Variants in MED12L observed in about 807,000 individuals in gnomAD.
The protein encoded by MED12L is mediator complex subunit 12L.
A neutral mutation model predicts 281.3 loss-of-function variants in MED12L; 60 were observed. That is an observed-to-expected ratio of 0.21 (90% CI 0.17 to 0.26). The LOEUF (loss-of-function observed/expected upper bound fraction) is 0.26, where lower values mean the gene tolerates loss of function less well. Ranked by LOEUF, MED12L falls within the 10% of genes least tolerant of loss-of-function variation. The probability of loss-of-function intolerance (pLI) is 1.00; values close to 1 mark genes in which losing one functional copy is unlikely to be tolerated. For synonymous variants in MED12L, 974 were observed against 987.2 expected (o/e 0.99, Z 0.25); for missense variants, 2,146 against 2,680.9 (o/e 0.80, Z 4.41).
Position 151,086,865 on chromosome 3 carries a change from T to TGC in MED12L, c.-61_-60dup. 7.4e-7 allele frequency: 1 copy of TGC among 1,348,650 alleles called. No individual in the cohort carries two copies. 83.5% of individuals were successfully genotyped at this position (1,348,650 alleles called of 1,614,324 possible). The stretch of plus-strand genomic sequence containing the variant: ...CTGTCTGCAAAGTGCTGCTCCCTGG[T>TGC]GCTCAGAGGCGGCTGCTCCAGCTCC... On this transcript the variant is annotated 5_prime_UTR_variant, in exon 2 of 45. Transcript: ENST00000687756.
intron 16 of MED12L, among the ~76,000 whole-genome samples, chr3:151,349,150 A>G (rs1012018243): frequency 1.3e-5 from 2 of 152,260 alleles, no homozygotes; most frequent in African/African-American, 4.8e-5. Context: ...AGCCAGGCAC[A>G]AGAGAGGGCA....
At chr3:151,315,111 A>G (rs1374145174) in intron 16 of MED12L, among the ~76,000 whole-genome samples, 2 of 152,108 alleles carry the variant, frequency 1.3e-5, no homozygotes, top group South Asian at 2.1e-4. Context: ...AGGGATTTTC[A>G]TGGATTTTCC....
At chr3:151,171,473 C>T (rs1721425325) in intron 11 of MED12L, among the ~76,000 whole-genome samples, 7 of 152,154 alleles carry the variant, frequency 4.6e-5, no homozygotes, top group Admixed American at 4.6e-4. Flanking sequence ...CCCAGGAAGC[C>T]AGCTTTATCC....
At chr3:151,241,246 AT>A (rs1357750919) in intron 16 of MED12L, among the ~76,000 whole-genome samples, 1 of 152,190 alleles carries the variant, frequency 6.6e-6, no homozygotes, top group African/African-American at 2.4e-5. Context: ...ATATTTTACA[AT>A]TTTTTACCTT....
intron 16 of MED12L, chr3:151,198,686 A>G (rs1461954156): frequency 1.2e-6 from 2 of 1,614,120 alleles, no homozygotes; most frequent in Admixed American, 3.3e-5. Context: ...AACAAAGCAT[A>G]TGATGTAGCC....
chr3:151,180,706 A>C (rs757659321), intron 11 of MED12L, among the ~76,000 whole-genome samples: 8 of 152,216 alleles, frequency 5.3e-5, no homozygotes, highest in Non-Finnish European at 1.2e-4. Flanking sequence ...GGGTGAGTCA[A>C]ATCATTGAGA....
intron 5 of MED12L, among the ~76,000 whole-genome samples, chr3:151,141,233 A>AG (rs1716984676): frequency 7.8e-6 from 1 of 128,460 alleles, no homozygotes; most frequent in African/African-American, 3.4e-5. Flanking sequence ...TGTGTTGGCC[A>AG]GGCTGGTCTC....
chr3:151,263,164 G>A lies in MED12L; in HGVS notation c.2250+69498G>A, dbSNP rs372890727. ...AGATGGATCAACAGCTGAGGAGTGTGCACAGGCCCTGTGCTTTTAGGATGG... is the reference window on the plus strand; with the variant it reads ...AGATGGATCAACAGCTGAGGAGTGTACACAGGCCCTGTGCTTTTAGGATGG... On this transcript the variant is annotated intron_variant, in intron 16 of 44. Transcript: ENST00000687756. Among the ~76,000 whole-genome samples, 48 of 152,266 alleles carry A rather than the reference G, an allele frequency of 3.2e-4. 1 individual carries two copies. The Middle Eastern group carries it at 0.01, about 32-fold the overall frequency.
At position 151,217,783 on chromosome 3, in the gene MED12L, A is replaced by AT. The variant is rs201322769; in HGVS notation, c.2250+24126dup. Among the ~76,000 whole-genome samples, 833 of 151,860 alleles carry AT rather than the reference A, an allele frequency of 5.5e-3. 7 individuals carry two copies. The highest frequency in any genetic ancestry group is 0.013 in the African/African-American group (524 of 41,424). The stretch of plus-strand genomic sequence containing the variant: ...GTAATTTTTGAACTCTTAAATATTG[A>AT]TTTTTTTTTAAAAGCAGTGGGGTTA... On this transcript the variant is annotated intron_variant, in intron 16 of 44. Transcript: ENST00000687756.
intron 11 of MED12L, among the ~76,000 whole-genome samples, chr3:151,174,639 C>G (rs879758138): frequency 3.9e-5 from 6 of 152,120 alleles, no homozygotes; most frequent in Non-Finnish European, 7.4e-5. Context: ...AAAACTTGTC[C>G]CTTTCTCAGT....
chr3:151,108,526 A>C (rs1237349249), intron 2 of MED12L, among the ~76,000 whole-genome samples: 1 of 152,170 alleles, frequency 6.6e-6, no homozygotes, highest in Non-Finnish European at 1.5e-5. Context: ...AGAGGTGGAC[A>C]AGGCTAGGAA....
chr3:151,327,977 C>T, intron 16 of MED12L: 2 of 1,515,658 alleles, frequency 1.3e-6, no homozygotes, highest in Non-Finnish European at 1.8e-6. Flanking sequence ...AGAAGTTAAC[C>T]CTATGTACAG....
intron 43 of MED12L, among the ~76,000 whole-genome samples, chr3:151,429,929 A>C (rs568386213): frequency 6.6e-6 from 1 of 152,306 alleles, no homozygotes; most frequent in East Asian, 1.9e-4. Context: ...CAAATCTTCC[A>C]ACCAGAGAGC....
rs540494587 is a variant in MED12L at position 151,423,824 on chromosome 3, T to G, written c.6409-6475T>G. Reference sequence around the variant, plus strand: ...CATTTCCTTTCATCTTAAACTCAGGTTGTCTTAGTTTGGTGACTTAAAAAA... The same window carrying G: ...CATTTCCTTTCATCTTAAACTCAGGGTGTCTTAGTTTGGTGACTTAAAAAA... On this transcript the variant is annotated intron_variant, in intron 43 of 44. Coordinates refer to ENST00000687756, the MANE Select transcript of MED12L (RefSeq NM_001393769.1). Among the ~76,000 whole-genome samples the G allele has an allele frequency of 1.3e-5, 2 of 152,316 alleles. 1 individual carries two copies. The highest frequency in any genetic ancestry group is 4.8e-5 in the African/African-American group (2 of 41,574).
At chr3:151,106,948 G>A (rs1722149775) in intron 2 of MED12L, among the ~76,000 whole-genome samples, 1 of 151,956 alleles carries the variant, frequency 6.6e-6, no homozygotes, top group African/African-American at 2.4e-5. Context: ...GCCTGTAGTT[G>A]GGCTCTACTT....
chr3:151,193,761 A>C, intron 16 of MED12L, 95 bp downstream of exon 16: 1 of 1,132,080 alleles, frequency 8.8e-7, no homozygotes, highest in Non-Finnish European at 1.3e-6. Flanking sequence ...TTCTTGACTA[A>C]TAATGATAGC....
Position 151,206,095 on chromosome 3 carries a change from AC to A in MED12L, c.2250+12430del, listed in dbSNP as rs57493081. On this transcript the variant is annotated intron_variant, in intron 16 of 44. Transcript: ENST00000687756. The stretch of plus-strand genomic sequence containing the variant: ...AATTTTTTTTTTTTTTTTTTTTTGC[AC>A]ATAATATTCTTTCCCACCTGCGTTA... 9.8e-3 allele frequency among the ~76,000 whole-genome samples: 1,199 copies of A among 122,176 alleles called. 26 individuals are homozygous for A. Among genetic ancestry groups the A allele is most frequent in the African/African-American group, 0.034 (1,136 of 33,892 alleles). The allele number at this position is 122,176 out of a possible 152,430, so 80.2% of individuals were successfully genotyped here. A position where few individuals can be genotyped will look rare whatever the true frequency, so the allele number is the denominator to read the frequency against.
chr3:151,333,550 G>A (rs150179499), intron 16 of MED12L, among the ~76,000 whole-genome samples: 1 of 152,040 alleles, frequency 6.6e-6, no homozygotes, highest in African/African-American at 2.4e-5. Context: ...GTTAAGCTGC[G>A]ACTGATGGGC....
At chr3:151,095,500 G>C (rs1720596410) in intron 2 of MED12L, among the ~76,000 whole-genome samples, 2 of 152,062 alleles carry the variant, frequency 1.3e-5, no homozygotes, top group East Asian at 1.9e-4. Flanking sequence ...ACCATGCCCA[G>C]CTAATTTTTG....
Sources: allele counts gnomAD v4.1 joint callset (sites outside exome capture counted in the v4.1 genomes callset), GRCh38; gene constraint gnomAD v4.1.1; transcripts MANE v1.5; gene names NCBI Gene and HGNC (gene_info 2026-07-23, HGNC 2026-07-21).